Variants in FHIT observed in about 807,000 individuals in gnomAD.
The protein encoded by FHIT is bis(5'-adenosyl)-triphosphatase.
A neutral mutation model predicts 17.9 loss-of-function variants in FHIT; 19 were observed. The observed-to-expected ratio is 1.06, with a 90% CI of 0.74 to 1.56. The LOEUF (loss-of-function observed/expected upper bound fraction) is 1.56, where lower values mean the gene tolerates loss of function less well. FHIT is among the 40% of genes most tolerant of loss of function. The pLI, the probability that FHIT is intolerant of heterozygous loss-of-function variation, is 0.00. For missense variants in FHIT, 248 were observed against 189.2 expected (o/e 1.31, Z -1.82); for synonymous variants, 81 against 69.7 (o/e 1.16, Z -0.81).
At chr3:60,403,064 C>G (rs994689412) in intron 5 of FHIT, among the ~76,000 whole-genome samples, 2 of 152,206 alleles carry the variant, frequency 1.3e-5, no homozygotes. Context: ...ATAATACACT[C>G]TAGTCTACAG....
At chr3:60,065,033 T>C (rs1702442826) in intron 5 of FHIT, among the ~76,000 whole-genome samples, 1 of 152,218 alleles carries the variant, frequency 6.6e-6, no homozygotes, top group African/African-American at 2.4e-5. Flanking sequence ...TGACTCACTG[T>C]ATTCATTCCT....
chr3:61,018,889 G>A (rs903212545), intron 3 of FHIT, among the ~76,000 whole-genome samples: 1 of 151,966 alleles, frequency 6.6e-6, no homozygotes, highest in African/African-American at 2.4e-5. Flanking sequence ...ACTTTAATGT[G>A]TCTATCTTCA....
chr3:60,372,803 G>A (rs1056439296), intron 5 of FHIT, among the ~76,000 whole-genome samples: 2 of 151,906 alleles, frequency 1.3e-5, no homozygotes, highest in African/African-American at 4.8e-5. Flanking sequence ...AATGTATTTG[G>A]AGGCTGATAT....
At chr3:60,469,076 T>C (rs901196741) in intron 5 of FHIT, among the ~76,000 whole-genome samples, 2 of 152,182 alleles carry the variant, frequency 1.3e-5, no homozygotes, top group Non-Finnish European at 2.9e-5. Flanking sequence ...TTTCTCTTGC[T>C]GCTTTTAGGA....
chr3:60,706,051 A>G (rs2041363983), intron 4 of FHIT, among the ~76,000 whole-genome samples: 4 of 152,152 alleles, frequency 2.6e-5, no homozygotes, highest in Admixed American at 2.6e-4. Context: ...ATTCTTTAAC[A>G]TCTACATCTA....
chr3:60,473,558 A>G (rs2734390), intron 5 of FHIT, among the ~76,000 whole-genome samples: 74,834 of 152,072 alleles, frequency 0.49, 20,424 homozygotes, highest in African/African-American at 0.72. Context: ...AGGGCTAACT[A>G]CAAAGGTGGT....
intron 5 of FHIT, among the ~76,000 whole-genome samples, chr3:60,102,288 A>G (rs1576103377): frequency 2.0e-5 from 3 of 152,352 alleles, no homozygotes; most frequent in Middle Eastern, 6.8e-3. Context: ...CTGCTTAAAT[A>G]TAATAACTAC....
At chr3:59,780,110 G>A (rs906078512) in intron 8 of FHIT, among the ~76,000 whole-genome samples, 5 of 152,110 alleles carry the variant, frequency 3.3e-5, no homozygotes, top group South Asian at 2.1e-4. Flanking sequence ...CTGCCATGTC[G>A]CTGGATTTTC....
intron 7 of FHIT, among the ~76,000 whole-genome samples, chr3:59,988,192 T>A (rs1190141379): frequency 6.6e-6 from 1 of 152,116 alleles, no homozygotes; most frequent in African/African-American, 2.4e-5. Context: ...ATACTGCAGG[T>A]CACCTTCAGT....
intron 4 of FHIT, among the ~76,000 whole-genome samples, chr3:60,744,260 AAACAAAAC>A (rs782472705): frequency 1.2e-4 from 10 of 84,404 alleles, no homozygotes; most frequent in East Asian, 7.9e-4. Context: ...AAAAAAAACA[AAACAAAAC>A]AAAAAAAAAA....
chr3:60,777,677 G>A (rs1436807034), intron 4 of FHIT, among the ~76,000 whole-genome samples: 1 of 152,190 alleles, frequency 6.6e-6, no homozygotes, highest in Non-Finnish European at 1.5e-5. Context: ...GCAACTTCAA[G>A]GTATGGCAAG....
At chr3:61,207,564 G>C (rs1044591817) in intron 1 of FHIT, among the ~76,000 whole-genome samples, 1 of 149,808 alleles carries the variant, frequency 6.7e-6, no homozygotes, top group Admixed American at 6.6e-5. Flanking sequence ...GTATGTGTCT[G>C]GGAATTTATC....
At chr3:60,910,694 G>A (rs1706697915) in intron 3 of FHIT, among the ~76,000 whole-genome samples, 1 of 152,202 alleles carries the variant, frequency 6.6e-6, no homozygotes, top group Admixed American at 6.5e-5. Context: ...TTACAGGCAT[G>A]AGCCACCATG....
At chr3:60,291,889 G>C (rs1440733584) in intron 5 of FHIT, among the ~76,000 whole-genome samples, 1 of 152,134 alleles carries the variant, frequency 6.6e-6, no homozygotes, top group African/African-American at 2.4e-5. Flanking sequence ...AGCTCGAAGA[G>C]GCAAGGAAGT....
chr3:60,646,676 A>T (rs186820278), intron 4 of FHIT, among the ~76,000 whole-genome samples: 2,765 of 152,166 alleles, frequency 0.018, 92 homozygotes, highest in African/African-American at 0.062. Flanking sequence ...GTGAGAAAAA[A>T]TTTTTTGAAA....
intron 8 of FHIT, among the ~76,000 whole-genome samples, chr3:59,844,383 C>T (rs754449087): frequency 2.6e-5 from 4 of 152,102 alleles, no homozygotes; most frequent in Non-Finnish European, 5.9e-5. Flanking sequence ...ATCATAGAGG[C>T]AAATCTTTCA....
At chr3:60,769,327 C>T (rs1699962502) in intron 4 of FHIT, among the ~76,000 whole-genome samples, 1 of 151,990 alleles carries the variant, frequency 6.6e-6, no homozygotes, top group African/African-American at 2.4e-5. Context: ...TATATATGTC[C>T]AGGGGTCAAA....
At chr3:61,207,703 C>T (rs921010910) in intron 1 of FHIT, among the ~76,000 whole-genome samples, 11 of 152,122 alleles carry the variant, frequency 7.2e-5, no homozygotes, top group East Asian at 1.9e-4. Context: ...TTTGATTCTT[C>T]TCTCTTTTCT....
At chr3:60,303,923 G>C (rs983890073) in intron 5 of FHIT, among the ~76,000 whole-genome samples, 1 of 152,092 alleles carries the variant, frequency 6.6e-6, no homozygotes, top group African/African-American at 2.4e-5. Context: ...AGGAACACTG[G>C]TTCCTCTTAC....
Sources: gnomAD v4.1 joint callset for allele counts (sites outside exome capture counted in the v4.1 genomes callset) on GRCh38, gnomAD v4.1.1 for gene constraint, MANE v1.5 for transcripts, NCBI Gene and HGNC (gene_info 2026-07-23, HGNC 2026-07-21) for gene names.